ADGRL2: variants seen among roughly 807,000 people sequenced by gnomAD.
The protein encoded by ADGRL2 is calcium-independent alpha-latrotoxin receptor 2.
Under a neutral mutation model 157.4 loss-of-function variants are expected in ADGRL2, and 44 were observed. The observed-to-expected ratio is 0.28, with a 90% confidence interval of 0.22 to 0.36. ADGRL2 has a LOEUF of 0.36. ADGRL2 is among the 10% of genes least tolerant of loss of function. The pLI is 1.00. For missense variants in ADGRL2, 1,510 were observed against 1,768.9 expected (o/e 0.85, Z 2.63); for synonymous variants, 585 against 624.7 (o/e 0.94, Z 0.95).
intron 2 of ADGRL2, chr1:81,514,062 T>C (rs2079128898): frequency 8.5e-6 from 1 of 117,746 alleles, no homozygotes. Flanking sequence ...GACAAAAGTG[T>C]GAGATAAGAT....
intron 3 of ADGRL2, among the ~76,000 whole-genome samples, chr1:81,689,528 A>G (rs1034069072): frequency 1.3e-5 from 2 of 152,228 alleles, no homozygotes; most frequent in Admixed American, 1.3e-4. Flanking sequence ...GATTTTTCAC[A>G]TCATATTTCA....
At chr1:81,839,224 C>T (rs7538956) in intron 2 of ADGRL2, among the ~76,000 whole-genome samples, 7,205 of 151,848 alleles carry the variant, frequency 0.047, 507 homozygotes, top group African/African-American at 0.15. Context: ...TCTTTTTATA[C>T]CAGTTTCTAG....
chr1:81,569,705 G>A (rs2080643285), intron 2 of ADGRL2, among the ~76,000 whole-genome samples: 1 of 152,142 alleles, frequency 6.6e-6, no homozygotes, highest in Non-Finnish European at 1.5e-5. Flanking sequence ...AACTACTGGG[G>A]AGGCAGAGGT....
intron 6 of ADGRL2, 83 bp from the exon 7 acceptor site, chr1:81,950,105 TG>T: frequency 9.5e-7 from 1 of 1,058,110 alleles, no homozygotes; most frequent in East Asian, 2.4e-5. Flanking sequence ...TGTGTGTGTG[TG>T]CATGCACACA....
At chr1:81,771,908 T>A (rs180813070) in intron 2 of ADGRL2, among the ~76,000 whole-genome samples, 1 of 152,338 alleles carries the variant, frequency 6.6e-6, no homozygotes, top group Admixed American at 6.5e-5. Context: ...TTTGCCCTTT[T>A]GCTTTTTTAT....
intron 1 of ADGRL2, among the ~76,000 whole-genome samples, chr1:81,836,405 C>T (rs2092283209): frequency 6.6e-6 from 1 of 152,028 alleles, no homozygotes. Flanking sequence ...CTAATGTTTG[C>T]TGTGATTCCT....
In ADGRL2 at chr1:81,915,121, G is replaced by A. The variant is rs143241162; in HGVS notation, c.287+7891G>A. On this transcript the variant is annotated intron_variant, in intron 3 of 23. Transcript: ENST00000686636. The stretch of plus-strand genomic sequence containing the variant: ...TTGGTTTCTCCTTTTTTTTGACAGG[G>A]TCTTACAGCTGGAGTGCAGTCTCTG... 2.6e-3 allele frequency among the ~76,000 whole-genome samples: 401 copies of A among 152,014 alleles called. 1 individual carries two copies. Among genetic ancestry groups the A allele is most frequent in the African/African-American group, 9.1e-3 (377 of 41,460 alleles).
chr1:81,951,907 T>A (rs749862166), intron 8 of ADGRL2, 50 bp from the exon 9 acceptor site: 1 of 1,455,206 alleles, frequency 6.9e-7, no homozygotes, highest in South Asian at 1.3e-5. Context: ...AACTAGAAGC[T>A]GTAAACAGAA....
chr1:81,721,734 T>C, intron 1 of ADGRL2: 2 of 1,419,152 alleles, frequency 1.4e-6, no homozygotes, highest in Non-Finnish European at 2.0e-6. Flanking sequence ...CTTGTGAAAA[T>C]GTGTAAGCAG....
At chr1:81,516,052 AT>A (rs1280922245) in intron 2 of ADGRL2, among the ~76,000 whole-genome samples, 3 of 152,188 alleles carry the variant, frequency 2.0e-5, no homozygotes, top group Non-Finnish European at 4.4e-5. Flanking sequence ...CAAAATTTTA[AT>A]TTTCAGGCTG....
At chr1:81,711,359 TGAAGA>T (rs1483497435) in intron 1 of ADGRL2, among the ~76,000 whole-genome samples, 1 of 152,232 alleles carries the variant, frequency 6.6e-6, no homozygotes, top group Non-Finnish European at 1.5e-5. Flanking sequence ...TGGTATTTCA[TGAAGA>T]GAGCAGCTAT....
chr1:81,965,972 G>C (rs1047093304), intron 11 of ADGRL2, 86 bp from the exon 12 acceptor site: 1 of 1,336,864 alleles, frequency 7.5e-7, no homozygotes, highest in Non-Finnish European at 1.0e-6. Flanking sequence ...GAAAACAGTA[G>C]TTTCCATACA....
chr1:81,725,630 G>C (rs1174432865), intron 1 of ADGRL2, among the ~76,000 whole-genome samples: 1 of 152,108 alleles, frequency 6.6e-6, no homozygotes, highest in Non-Finnish European at 1.5e-5. Context: ...AATTGCCAAC[G>C]TGTACTTGGT....
chr1:81,401,212 C>A (rs1349639500), intron 1 of ADGRL2, among the ~76,000 whole-genome samples: 2 of 152,152 alleles, frequency 1.3e-5, no homozygotes, highest in Non-Finnish European at 2.9e-5. Context: ...CTCCAGGAGG[C>A]AGTACCACTT....
chr1:81,827,676 T>C (rs1274803982), intron 1 of ADGRL2, among the ~76,000 whole-genome samples: 2 of 152,012 alleles, frequency 1.3e-5, no homozygotes, highest in Non-Finnish European at 2.9e-5. Context: ...AGCATTTCTC[T>C]TGCCTCAGCC....
intron 1 of ADGRL2, among the ~76,000 whole-genome samples, chr1:81,821,338 G>A (rs1057345439): frequency 1.3e-5 from 2 of 152,122 alleles, no homozygotes; most frequent in African/African-American, 4.8e-5. Flanking sequence ...AGCAAAGGCG[G>A]CCCAAATTTT....
At chr1:81,762,985 G>T (rs2149313472) in intron 2 of ADGRL2, among the ~76,000 whole-genome samples, 1 of 148,454 alleles carries the variant, frequency 6.7e-6, no homozygotes, top group African/African-American at 2.5e-5. Flanking sequence ...CCAGGAGGTG[G>T]AGCTTGCAGT....
chr1:81,348,659 C>A (rs1662656187), intron 1 of ADGRL2, among the ~76,000 whole-genome samples: 1 of 152,080 alleles, frequency 6.6e-6, no homozygotes. Flanking sequence ...CCAACAACAA[C>A]AAAGAAAGGT....
At chr1:81,655,463 C>T (rs1481227533) in intron 3 of ADGRL2, among the ~76,000 whole-genome samples, 4 of 152,206 alleles carry the variant, frequency 2.6e-5, no homozygotes, top group Admixed American at 2.0e-4. Context: ...ATTCTCAAAA[C>T]AGTCTTTTAC....
Sources: gnomAD v4.1 joint callset for allele counts (sites outside exome capture counted in the v4.1 genomes callset) on GRCh38, gnomAD v4.1.1 for gene constraint, MANE v1.5 for transcripts, NCBI Gene and HGNC (gene_info 2026-07-23, HGNC 2026-07-21) for gene names.